SAMD12: variants seen among roughly 807,000 people sequenced by gnomAD.
SAMD12 encodes sterile alpha motif domain-containing protein 12.
SAMD12 carries 9 observed loss-of-function variants against 15.0 expected under a neutral mutation model. The ratio of observed to expected loss-of-function variants is 0.60; its 90% confidence interval spans 0.36 to 1.05. The LOEUF is 1.05. Ranked by LOEUF, SAMD12 falls within the 50% of genes least tolerant of loss-of-function variation. The pLI, the probability that SAMD12 is intolerant of heterozygous loss-of-function variation, is 0.01. For missense variants in SAMD12, 230 were observed against 234.2 expected (o/e 0.98, Z 0.12); for synonymous variants, 86 against 90.1 (o/e 0.96, Z 0.25).
At chr8:118,454,225 G>A (rs1823172079) in intron 2 of SAMD12, among the ~76,000 whole-genome samples, 1 of 152,198 alleles carries the variant, frequency 6.6e-6, no homozygotes, top group Non-Finnish European at 1.5e-5. Flanking sequence ...GCTAGATCTA[G>A]AGTTCTAAGC....
intron 2 of SAMD12, among the ~76,000 whole-genome samples, chr8:118,510,133 C>T (rs899422266): frequency 1.3e-5 from 2 of 152,104 alleles, no homozygotes; most frequent in African/African-American, 2.4e-5. Context: ...ACTTTAGAAT[C>T]ATCAGTAATC....
chr8:118,204,061 C>G lies in SAMD12; in HGVS notation c.434-6329G>C, dbSNP rs555600664. Among the ~76,000 whole-genome samples the G allele has an allele frequency of 1.7e-3, 263 of 152,242 alleles. 1 individual carries two copies. The highest frequency in any genetic ancestry group is 6.2e-3 in the African/African-American group (258 of 41,526). ...TAATTTCAAACCTCACTCCCCTCTT[C>G]TTCTCATCATTTGCTCATTTTATGT... On this transcript the variant is annotated intron_variant, in intron 4 of 4. Transcript: ENST00000409003.
chr8:118,375,936 A>G (rs1189177647), downstream of SAMD12: 1 of 152,176 alleles, frequency 6.6e-6, no homozygotes, highest in Non-Finnish European at 1.5e-5. Flanking sequence ...CATTGTTCAA[A>G]TATAGTATAC....
At chr8:118,493,932 CA>C (rs1338892559) in intron 2 of SAMD12, among the ~76,000 whole-genome samples, 2 of 152,168 alleles carry the variant, frequency 1.3e-5, no homozygotes, top group Non-Finnish European at 2.9e-5. Flanking sequence ...GCCTTCAGCT[CA>C]AGGAGAAAGA....
chr8:118,146,159 G>A, the SAMD12 span, among the ~76,000 whole-genome samples: 1 of 152,182 alleles, frequency 6.6e-6, no homozygotes, highest in African/African-American at 2.4e-5. Context: ...TTAAGAGGAT[G>A]CCTGGATTAT....
intron 2 of SAMD12, among the ~76,000 whole-genome samples, chr8:118,466,507 A>G (rs1177720230): frequency 1.3e-5 from 2 of 152,208 alleles, no homozygotes; most frequent in Non-Finnish European, 2.9e-5. Context: ...CACTTCCTCC[A>G]TGTCCAGCCT....
At chr8:118,330,311 GC>G (rs1412350244) in intron 4 of SAMD12, among the ~76,000 whole-genome samples, 1 of 152,188 alleles carries the variant, frequency 6.6e-6, no homozygotes, top group African/African-American at 2.4e-5. Context: ...TATTGCTGGG[GC>G]TGCTCACAAA....
At chr8:118,489,062 G>C (rs545794539) in intron 2 of SAMD12, among the ~76,000 whole-genome samples, 1 of 152,244 alleles carries the variant, frequency 6.6e-6, no homozygotes, top group East Asian at 1.9e-4. Context: ...GGAGGAGGTT[G>C]TGGTATCTCT....
intron 4 of SAMD12, among the ~76,000 whole-genome samples, chr8:118,222,497 G>T (rs1246431931): frequency 6.6e-6 from 1 of 152,092 alleles, no homozygotes; most frequent in Non-Finnish European, 1.5e-5. Context: ...AATGTGTGAG[G>T]AAGTGCTTTT....
intron 4 of SAMD12, among the ~76,000 whole-genome samples, chr8:118,321,371 T>G (rs1198602838): frequency 6.0e-5 from 9 of 149,864 alleles, no homozygotes; most frequent in African/African-American, 2.2e-4. Flanking sequence ...CTCAGCACTT[T>G]GGGAAGCTGA....
At chr8:118,542,247 G>A (rs1262156623) in intron 2 of SAMD12, among the ~76,000 whole-genome samples, 1 of 152,046 alleles carries the variant, frequency 6.6e-6, no homozygotes, top group Admixed American at 6.6e-5. Context: ...GTACCAAAAA[G>A]ATACTCTTTC....
chr8:118,445,314 A>G (rs999911183), intron 2 of SAMD12, among the ~76,000 whole-genome samples: 1 of 152,212 alleles, frequency 6.6e-6, no homozygotes, highest in African/African-American at 2.4e-5. Flanking sequence ...AGTACTAATA[A>G]TGTCTTCTTC....
Position 118,361,977 on chromosome 8 carries a change from T to C in SAMD12, c.433+17583A>G, listed in dbSNP as rs556366218. Reference sequence around the variant, plus strand: ...ATTTTCATTTAATTAAGGCAGAAAATCAGCTCTAAAACAAATGATTGTCCC... The same window carrying C: ...ATTTTCATTTAATTAAGGCAGAAAACCAGCTCTAAAACAAATGATTGTCCC... On this transcript the variant is annotated intron_variant, in intron 4 of 4. Transcript: ENST00000409003. Among the ~76,000 whole-genome samples, 3 of 152,110 alleles carry C rather than the reference T, an allele frequency of 2.0e-5. No homozygotes were observed. The East Asian group carries it at 5.8e-4, about 29-fold the overall frequency.
At chr8:118,552,604 C>T (rs1378068696) in intron 2 of SAMD12, among the ~76,000 whole-genome samples, 4 of 152,294 alleles carry the variant, frequency 2.6e-5, no homozygotes, top group Non-Finnish European at 5.9e-5. Context: ...GGAAGCATTC[C>T]CTTTGAAAAC....
intron 2 of SAMD12, among the ~76,000 whole-genome samples, chr8:118,525,934 C>A (rs572320800): frequency 6.6e-6 from 1 of 152,296 alleles, no homozygotes; most frequent in South Asian, 2.1e-4. Context: ...GCTTTGTTGA[C>A]ATCAGTGAAA....
intron 2 of SAMD12, among the ~76,000 whole-genome samples, chr8:118,543,910 A>G (rs908428814): frequency 1.3e-5 from 2 of 152,100 alleles, no homozygotes; most frequent in African/African-American, 4.8e-5. Context: ...CTCCATGCCA[A>G]ATAACCGGGG....
At chr8:118,480,203 T>C (rs1824086637) in intron 2 of SAMD12, among the ~76,000 whole-genome samples, 1 of 152,218 alleles carries the variant, frequency 6.6e-6, no homozygotes, top group Non-Finnish European at 1.5e-5. Context: ...TCATGCCACA[T>C]GTCCTAAGTG....
chr8:118,542,325 T>C (rs1422721230), intron 2 of SAMD12, among the ~76,000 whole-genome samples: 1 of 152,222 alleles, frequency 6.6e-6, no homozygotes, highest in African/African-American at 2.4e-5. Context: ...CTATTTCCAT[T>C]AATTTTCCAA....
At chr8:118,165,017 CA>C in the SAMD12 span, among the ~76,000 whole-genome samples, 1 of 139,632 alleles carries the variant, frequency 7.2e-6, no homozygotes, top group African/African-American at 3.0e-5. Flanking sequence ...GTTTTCCATA[CA>C]TTGATTCTCT....
Sources: gnomAD v4.1 joint callset for allele counts (sites outside exome capture counted in the v4.1 genomes callset) on GRCh38, gnomAD v4.1.1 for gene constraint, MANE v1.5 for transcripts, NCBI Gene and HGNC (gene_info 2026-07-23, HGNC 2026-07-21) for gene names.